SAMMSON: variants seen among roughly 807,000 people sequenced by gnomAD.
The protein encoded by SAMMSON is survival associated mitochondrial melanoma specific oncogenic non-coding RNA.
In SAMMSON at chr3:70,095,537, A is replaced by G. The variant is rs575249240; in HGVS notation, n.507+23972A>G. ...CTTTGTAGGACTCGTCGTGTTATAT[A>G]TTTCACATTTGTTAGCATGATTTTA... On this transcript the variant is annotated intron_variant and non_coding_transcript_variant, in intron 4 of 9. Coordinates refer to ENST00000642114, the Ensembl canonical transcript of SAMMSON. 3.3e-5 allele frequency among the ~76,000 whole-genome samples: 5 copies of G among 152,206 alleles called. No individual in the cohort carries two copies. The East Asian group carries it at 5.8e-4, about 18-fold the overall frequency.
intron 9 of SAMMSON, among the ~76,000 whole-genome samples, chr3:70,362,205 A>T (rs959163384): frequency 7.2e-5 from 11 of 152,148 alleles, no homozygotes; most frequent in Admixed American, 7.2e-4. Context: ...GGTGGTTTAG[A>T]TTTTCTTTTG....
At chr3:70,162,744 A>G (rs1439452015) in intron 4 of SAMMSON, among the ~76,000 whole-genome samples, 1 of 151,902 alleles carries the variant, frequency 6.6e-6, no homozygotes, top group Admixed American at 6.6e-5. Flanking sequence ...GAAGTGACCA[A>G]CTATTATTTT....
intron 9 of SAMMSON, among the ~76,000 whole-genome samples, chr3:70,367,952 T>C (rs939961012): frequency 6.6e-6 from 1 of 151,086 alleles, no homozygotes; most frequent in Non-Finnish European, 1.5e-5. Context: ...TTGCCCATTT[T>C]AAAATTGGGT....
intron 7 of SAMMSON, among the ~76,000 whole-genome samples, chr3:70,342,551 C>CT (rs1167321835): frequency 5.9e-5 from 9 of 152,068 alleles, no homozygotes; most frequent in East Asian, 1.9e-4. Flanking sequence ...TCAATTGCCA[C>CT]TTTTTTTTCA....
At chr3:70,052,430 A>G (rs1418317093) in intron 3 of SAMMSON, among the ~76,000 whole-genome samples, 1 of 152,114 alleles carries the variant, frequency 6.6e-6, no homozygotes, top group Non-Finnish European at 1.5e-5. Context: ...CATAGAAAAA[A>G]ATGGGAGAGT....
intron 4 of SAMMSON, among the ~76,000 whole-genome samples, chr3:70,133,212 G>A (rs1341770306): frequency 6.6e-6 from 1 of 152,082 alleles, no homozygotes; most frequent in Non-Finnish European, 1.5e-5. Flanking sequence ...TTAGAGAGTT[G>A]TAACTTTCAG....
At chr3:70,063,945 T>TG (rs1316627404) in intron 3 of SAMMSON, among the ~76,000 whole-genome samples, 43 of 152,254 alleles carry the variant, frequency 2.8e-4, no homozygotes, top group African/African-American at 9.6e-4. Flanking sequence ...CAGTAAATCT[T>TG]TTCCTACAAG....
At chr3:70,310,882 A>T (rs1702448370) in intron 7 of SAMMSON, among the ~76,000 whole-genome samples, 1 of 152,148 alleles carries the variant, frequency 6.6e-6, no homozygotes, top group Non-Finnish European at 1.5e-5. Flanking sequence ...ACAAACTGGC[A>T]TTGAATCTCA....
intron 4 of SAMMSON, among the ~76,000 whole-genome samples, chr3:70,196,727 G>A (rs918899245): frequency 2.9e-4 from 44 of 152,140 alleles, no homozygotes; most frequent in Non-Finnish European, 7.3e-5. Flanking sequence ...TTTTCAGTGA[G>A]CCATGCGGTT....
intron 4 of SAMMSON, among the ~76,000 whole-genome samples, chr3:70,077,201 T>C (rs2067250863): frequency 6.6e-6 from 1 of 152,180 alleles, no homozygotes. Flanking sequence ...AATTATAAGG[T>C]GAATTAAGCT....
intron 6 of SAMMSON, among the ~76,000 whole-genome samples, chr3:70,256,099 G>C (rs1292277899): frequency 6.6e-6 from 1 of 152,166 alleles, no homozygotes; most frequent in Non-Finnish European, 1.5e-5. Flanking sequence ...TTAGGTAATG[G>C]AGCAAGAACT....
intron 4 of SAMMSON, among the ~76,000 whole-genome samples, chr3:70,108,949 A>T (rs1234925713): frequency 6.6e-6 from 1 of 152,118 alleles, no homozygotes; most frequent in Non-Finnish European, 1.5e-5. Flanking sequence ...TTCTGTGGCC[A>T]ACTGGATGGC....
chr3:70,135,898 G>A (rs2067503973), intron 4 of SAMMSON, among the ~76,000 whole-genome samples: 2 of 149,744 alleles, frequency 1.3e-5, no homozygotes, highest in Admixed American at 1.3e-4. Flanking sequence ...TGTGGCTTAT[G>A]CAGCTAGATA....
chr3:70,212,722 A>C (rs1701363699), intron 4 of SAMMSON, among the ~76,000 whole-genome samples: 1 of 152,114 alleles, frequency 6.6e-6, no homozygotes, highest in South Asian at 2.1e-4. Flanking sequence ...AAGAAAGCAA[A>C]ACACACACAT....
rs1321133917 is a variant in SAMMSON at position 70,110,297 on chromosome 3, T to G, written n.507+38732T>G. 1.3e-5 allele frequency among the ~76,000 whole-genome samples: 2 copies of G among 152,224 alleles called. 1 individual carries two copies. Among genetic ancestry groups the G allele is most frequent in the Middle Eastern group, 6.3e-3 (2 of 316 alleles). Reference sequence around the variant, plus strand: ...TTGTCAGTGCTGGACAAATGCTGATTGTCCTAGAGCTCAGAGTATTTCCCC... The same window carrying G: ...TTGTCAGTGCTGGACAAATGCTGATGGTCCTAGAGCTCAGAGTATTTCCCC... On this transcript the variant is annotated intron_variant and non_coding_transcript_variant, in intron 4 of 9. Transcript: ENST00000642114.
intron 3 of SAMMSON, among the ~76,000 whole-genome samples, chr3:70,018,370 T>C (rs1455812029): frequency 6.6e-6 from 1 of 152,194 alleles, no homozygotes; most frequent in East Asian, 1.9e-4. Context: ...TTTATTTGCG[T>C]AGAGGTGTTT....
At chr3:70,223,248 G>T (rs567009921) in intron 4 of SAMMSON, among the ~76,000 whole-genome samples, 2 of 152,006 alleles carry the variant, frequency 1.3e-5, no homozygotes, top group Non-Finnish European at 2.9e-5. Flanking sequence ...CAAAGCAATC[G>T]AAACTCAGAG....
At chr3:70,108,973 A>G (rs904320765) in intron 4 of SAMMSON, among the ~76,000 whole-genome samples, 2 of 152,162 alleles carry the variant, frequency 1.3e-5, no homozygotes, top group African/African-American at 2.4e-5. Flanking sequence ...AAATCATTAT[A>G]GTATCTAAGA....
intron 4 of SAMMSON, among the ~76,000 whole-genome samples, chr3:70,162,106 T>C (rs1455865108): frequency 1.3e-5 from 2 of 151,812 alleles, no homozygotes; most frequent in Non-Finnish European, 2.9e-5. Flanking sequence ...TTGATTTTAT[T>C]TATTTATTTT....
Sources: allele counts gnomAD v4.1 joint callset (sites outside exome capture counted in the v4.1 genomes callset), GRCh38; gene constraint gnomAD v4.1.1; transcripts MANE v1.5; gene names NCBI Gene and HGNC (gene_info 2026-07-23, HGNC 2026-07-21).